The following THAP4 variants were observed in gnomAD, a reference collection of about 807,000 sequenced individuals.
THAP4 encodes THAP domain containing 4.
THAP4 carries 18 observed loss-of-function variants against 48.1 expected under a neutral mutation model. That is an observed-to-expected ratio of 0.37 (90% CI 0.26 to 0.56). The LOEUF (loss-of-function observed/expected upper bound fraction) is 0.56. Ranked by LOEUF, THAP4 falls within the 20% of genes least tolerant of loss-of-function variation. THAP4 has a pLI of 0.78. For missense variants in THAP4, 656 were observed against 774.9 expected, an observed-to-expected ratio of 0.85 and a Z score of 1.82; for synonymous variants, 345 against 324.9, an observed-to-expected ratio of 1.06 and a Z score of -0.66.
chr2:241,632,779 G>T (rs1381158914), intron 2 of THAP4, 138 bp downstream of exon 2: 63 of 663,220 alleles, frequency 9.5e-5, no homozygotes, highest in Non-Finnish European at 1.4e-4. Context: ...ACAAGGTATG[G>T]TTACGACCAG....
chr2:241,607,116 G>A (rs1037353109), intron 2 of THAP4, among the ~76,000 whole-genome samples: 2 of 152,058 alleles, frequency 1.3e-5, no homozygotes, highest in African/African-American at 4.8e-5. Flanking sequence ...CCTGTGTAGT[G>A]GCCAGGAGAC....
rs767244531 is a variant in THAP4, at chr2:241,633,232, G to A, written c.925C>T (p.Pro309Ser). The change falls in exon 2 of 6, where the codon CCA becomes TCA. Residue 309 changes from proline (P) to serine (S), a missense_variant. Coordinates refer to ENST00000407315, the MANE Select transcript of THAP4 (RefSeq NM_015963.6). The surrounding 1 kb of genome is among the most constrained non-coding windows in gnomAD (Gnocchi z 7.5). ...TGCACGGCTTCCGTGGCTGGCTTTG[G>A]GGTGACGTCGGCAGGAGGGGCAGAG... is the stretch of plus-strand genomic sequence containing the variant. ...SPSAPPADVTPKPATEAVQSE... is the reference protein window; with the variant it reads ...SPSAPPADVTSKPATEAVQSE... 1.9e-6 allele frequency: 3 copies of A among 1,609,518 alleles called. No homozygotes were observed.
intron 2 of THAP4, among the ~76,000 whole-genome samples, chr2:241,609,563 G>C (rs2067236320): frequency 1.3e-5 from 2 of 152,198 alleles, no homozygotes; most frequent in Admixed American, 6.5e-5. Context: ...GAGACGGGCA[G>C]ATCACCTCAG....
At position 241,586,399 on chromosome 2, in the gene THAP4, T is replaced by G. The variant is rs184401988; in HGVS notation, c.1615-1674A>C. The stretch of plus-strand genomic sequence containing the variant: ...AGCTCAGCCTCTACTGAACACGAGC[T>G]GTCCATCCTTGACCAACAGGCAGAA... On this transcript the variant is annotated intron_variant, in intron 5 of 5. Coordinates refer to ENST00000407315, the MANE Select transcript of THAP4 (RefSeq NM_015963.6). 7.5e-3 allele frequency among the ~76,000 whole-genome samples: 1,148 copies of G among 152,184 alleles called. 3 individuals are homozygous for G. The highest frequency in any genetic ancestry group is 0.013 in the Non-Finnish European group (882 of 68,024).
chr2:241,622,631 G>C (rs2067445365), intron 2 of THAP4, among the ~76,000 whole-genome samples: 1 of 151,928 alleles, frequency 6.6e-6, no homozygotes, highest in Admixed American at 6.6e-5. Context: ...ATAGGGTTTT[G>C]TTCTGTTTCC....
At chr2:241,624,519 A>G (rs1363185684) in intron 2 of THAP4, among the ~76,000 whole-genome samples, 1 of 151,160 alleles carries the variant, frequency 6.6e-6, no homozygotes, top group Admixed American at 6.6e-5. Context: ...AAACAGTCAG[A>G]GGAAGAGCTC....
At chr2:241,625,797 C>CAAAAAAAAAAAAAAAAAAAAA (rs147602587) in intron 2 of THAP4, among the ~76,000 whole-genome samples, 1 of 50,156 alleles carries the variant, frequency 2.0e-5, no homozygotes, top group Non-Finnish European at 3.2e-5. Context: ...GACTCCGTCT[C>CAAAAAAAAAAAAAAAAAAAAA]AAAAAAAAAA....
intron 2 of THAP4, among the ~76,000 whole-genome samples, chr2:241,625,154 G>C (rs2067481112): frequency 6.6e-6 from 1 of 151,996 alleles, no homozygotes; most frequent in African/African-American, 2.4e-5. Flanking sequence ...GTCCAGCAGG[G>C]CCCTAATACC....
rs564237111 is a variant in THAP4, at chr2:241,607,978, C to T, written c.1241-1505G>A. On this transcript the variant is annotated intron_variant, in intron 2 of 5. Coordinates refer to ENST00000407315, the MANE Select transcript of THAP4 (RefSeq NM_015963.6). The stretch of plus-strand genomic sequence containing the variant: ...AAAGCAGAAGACAGACTGATGGGGA[C>T]GGGATCAGGACTGACCCCCAGTGTC... Among the ~76,000 whole-genome samples, 16 of 139,004 alleles carry T rather than the reference C, an allele frequency of 1.2e-4. 1 individual carries two copies. In the South Asian group the frequency reaches 2.1e-3, roughly 19 times the overall value. 91.2% of individuals were successfully genotyped at this position (139,004 alleles called of 152,430 possible).
intron 1 of THAP4, among the ~76,000 whole-genome samples, chr2:241,634,376 A>C (rs898368227): frequency 1.3e-5 from 2 of 152,198 alleles, no homozygotes; most frequent in Non-Finnish European, 2.9e-5. Flanking sequence ...GGGACACAGG[A>C]TGCTGACAGA....
intron 5 of THAP4, among the ~76,000 whole-genome samples, chr2:241,590,706 C>A (rs574806389): frequency 1.3e-5 from 2 of 151,286 alleles, no homozygotes; most frequent in East Asian, 2.0e-4. Flanking sequence ...GGCACTAGGA[C>A]ACACAGAACT....
chr2:241,611,864 A>G (rs2067281600), intron 2 of THAP4, among the ~76,000 whole-genome samples: 1 of 152,190 alleles, frequency 6.6e-6, no homozygotes, highest in African/African-American at 2.4e-5. Context: ...CCAAGTGTGA[A>G]CAAGAGCAGC....
intron 5 of THAP4, among the ~76,000 whole-genome samples, chr2:241,589,624 C>A (rs934325956): frequency 6.6e-6 from 1 of 152,096 alleles, no homozygotes; most frequent in Non-Finnish European, 1.5e-5. Flanking sequence ...TCAAGGGGGA[C>A]AGCCACTCTG....
chr2:241,623,616 C>T (rs575856797), intron 2 of THAP4, among the ~76,000 whole-genome samples: 2 of 150,040 alleles, frequency 1.3e-5, no homozygotes, highest in African/African-American at 4.9e-5. Context: ...AGAGAAGGTA[C>T]AAATTATTGA....
intron 2 of THAP4, among the ~76,000 whole-genome samples, chr2:241,619,999 GT>G (rs2067401572): frequency 1.1e-5 from 1 of 90,098 alleles, no homozygotes. Flanking sequence ...GGGTGAGTGA[GT>G]CAGTGAGTGA....
chr2:241,608,698 A>C (rs1432546599), intron 2 of THAP4, among the ~76,000 whole-genome samples: 2 of 152,210 alleles, frequency 1.3e-5, no homozygotes, highest in African/African-American at 4.8e-5. Flanking sequence ...ATCCCTACGG[A>C]GCATACATCC....
At chr2:241,604,402 C>T (rs1416060891) in intron 3 of THAP4, among the ~76,000 whole-genome samples, 2 of 152,110 alleles carry the variant, frequency 1.3e-5, no homozygotes, top group African/African-American at 4.8e-5. Flanking sequence ...CAGGCATGCG[C>T]CACCATGCCC....
chr2:241,633,520 T>G lies in THAP4; in HGVS notation c.637A>C (p.Lys213Gln), dbSNP rs745669925. 2.5e-5 allele frequency: 41 copies of G among 1,613,990 alleles called. No homozygotes were observed. The highest frequency in any genetic ancestry group is 1.7e-5 in the Non-Finnish European group (20 of 1,180,022). Residue 213 changes from lysine to glutamine, a missense_variant, in exon 2 of 6, where the codon AAG becomes CAG. This residue lies in a region of THAP4 where 391 missense variants were observed against 412.4 expected (regional missense o/e 0.95). Transcript: ENST00000407315. This position sits in a 1 kb window ranked among gnomAD's most constrained non-coding sequence, Gnocchi z 7.5. ...AAGTCATCCATAGAAATGCCACTCT[T>G]ATCTGTCACGCCCCCTTCGATGGAG... ...TSSIEGGVTD[K>Q]SGISMDDFTP...
At chr2:241,635,877 G>A (rs1328811279) in intron 1 of THAP4, among the ~76,000 whole-genome samples, 2 of 152,144 alleles carry the variant, frequency 1.3e-5, no homozygotes, top group Non-Finnish European at 2.9e-5. Flanking sequence ...TGTGGACCAG[G>A]ACAAATCCTA....
Sources: gnomAD v4.1 joint callset for allele counts (sites outside exome capture counted in the v4.1 genomes callset) on GRCh38, gnomAD v4.1.1 for gene constraint, gnomAD v4.1.1 regional missense constraint, Gnocchi (gnomAD v3.1) non-coding constraint, MANE v1.5 for transcripts, NCBI Gene and HGNC (gene_info 2026-07-23, HGNC 2026-07-21) for gene names.